Variants in GATA4 observed in about 807,000 individuals in gnomAD.
GATA4 encodes transcription factor GATA-4.
Under a neutral mutation model 37.9 loss-of-function variants are expected in GATA4, and 7 were observed. The ratio of observed to expected loss-of-function variants is 0.18; its 90% CI spans 0.11 to 0.35. The LOEUF is 0.35. Among genes scored for constraint, GATA4 ranks in the 10% least tolerant of loss-of-function variants. The pLI is 1.00. For missense variants in GATA4, 647 were observed against 653.0 expected, an observed-to-expected ratio of 0.99 and a Z score of 0.10; for synonymous variants, 372 against 292.6, an observed-to-expected ratio of 1.27 and a Z score of -2.77.
intron 2 of GATA4, among the ~76,000 whole-genome samples, chr8:11,740,228 C>A (rs965997280): frequency 6.6e-6 from 1 of 152,202 alleles, no homozygotes; most frequent in African/African-American, 2.4e-5. Context: ...GCCGTACTAC[C>A]TGTCAGCCGG....
rs150669439 is a variant in GATA4, at chr8:11,737,083, G to A, written c.617-11833G>A. Among the ~76,000 whole-genome samples the A allele has an allele frequency of 1.5e-3, 230 of 152,084 alleles. 1 individual carries two copies. The highest frequency in any genetic ancestry group is 5.2e-3 in the African/African-American group (216 of 41,482). On this transcript the variant is annotated intron_variant, in intron 2 of 6. Coordinates refer to ENST00000532059, the MANE Select transcript of GATA4 (RefSeq NM_001308093.3). ...GCAGGGTGACTCGGTGGATTAGCAG[G>A]AGAAGAAGATGTAAAGTGATGGCGA...
chr8:11,708,373 G>A lies in GATA4; in HGVS notation c.61G>A (p.Gly21Ser), dbSNP rs762079549. Residue 21 changes from glycine to serine, a missense_variant, in exon 2 of 7, where the codon GGC (glycine) becomes AGC (serine). Physicochemically the swap from Gly to Ser is moderately conservative, Grantham distance 56. This residue lies in a region of GATA4 where 379 missense variants were observed against 334.5 expected (regional missense o/e 1.13). Coordinates refer to ENST00000532059, the MANE Select transcript of GATA4 (RefSeq NM_001308093.3). The surrounding 1 kb of genome is among the most constrained non-coding windows in gnomAD (Gnocchi z 6.7). ...GCCGCCCCCCGGTGCCTACGAGGCG[G>A]GCGGCCCCGGCGCCTTCATGCACGG... ...HGPPPGAYEA[G>S]GPGAFMHGAG... 1.9e-6 allele frequency: 3 copies of A among 1,555,542 alleles called. No homozygotes were observed. In the South Asian group the frequency reaches 3.5e-5, roughly 18 times the overall value.
chr8:11,711,836 G>C (rs1800198402), intron 2 of GATA4, among the ~76,000 whole-genome samples: 1 of 151,666 alleles, frequency 6.6e-6, no homozygotes, highest in Non-Finnish European at 1.5e-5. Context: ...TACCTGCCTG[G>C]CAGCTTTAGT....
chr8:11,750,770 TA>T (rs1195090785), intron 4 of GATA4, among the ~76,000 whole-genome samples: 12,649 of 88,486 alleles, frequency 0.14, 894 homozygotes, highest in East Asian at 0.24. Flanking sequence ...TTGTCTCTAC[TA>T]AAAAAAAAAA....
rs773415747 is a variant in GATA4, at chr8:11,752,320, A to G, written c.912+2084A>G. Among the ~76,000 whole-genome samples, 116 of 152,220 alleles carry G rather than the reference A, an allele frequency of 7.6e-4. 2 individuals are homozygous for G. The highest frequency in any genetic ancestry group is 2.1e-4 in the South Asian group (1 of 4,836). On this transcript the variant is annotated intron_variant, in intron 4 of 6. Transcript: ENST00000532059. The stretch of plus-strand genomic sequence containing the variant: ...GTTTTCACACTGCTGATAAAGACAT[A>G]CCCAAAATTAAAAAGTGGCTTAATG...
Position 11,708,803 on chromosome 8 carries a change from C to T in GATA4, c.491C>T (p.Ala164Val), listed in dbSNP as rs1425061772. The T allele has an allele frequency of 2.0e-6, 3 of 1,479,394 alleles. No homozygotes were observed. In the South Asian group the frequency reaches 3.8e-5, roughly 19 times the overall value. 91.6% of individuals were successfully genotyped at this position (1,479,394 alleles called of 1,614,324 possible). A position where few individuals can be genotyped will look rare whatever the true frequency, so the allele number is the denominator to read the frequency against. Residue 164 changes from alanine (A) to valine (V), a missense_variant, in exon 2 of 7, where the codon GCT becomes GTT. Coordinates refer to ENST00000532059, the MANE Select transcript of GATA4 (RefSeq NM_001308093.3). The surrounding 1 kb of genome is among the most constrained non-coding windows in gnomAD (Gnocchi z 6.7). Reference protein sequence around the residue: ...FAGSYSSPYPAYMADVGASWA... With the variant: ...FAGSYSSPYPVYMADVGASWA... ...GGCTCCTACTCCAGCCCCTACCCGG[C>T]TTACATGGCCGACGTGGGCGCGTCC... is the stretch of plus-strand genomic sequence containing the variant.
chr8:11,717,684 C>T (rs917212552), intron 2 of GATA4, among the ~76,000 whole-genome samples: 2 of 152,214 alleles, frequency 1.3e-5, no homozygotes, highest in Admixed American at 6.5e-5. Flanking sequence ...TGACTTGTCG[C>T]TCCCATCCGC....
At position 11,731,375 on chromosome 8, in the gene GATA4, G is replaced by A. The variant is rs118149259; in HGVS notation, c.617-17541G>A. Among the ~76,000 whole-genome samples, 3 of 152,380 alleles carry A rather than the reference G, an allele frequency of 2.0e-5. No homozygotes were observed. In the East Asian group the frequency reaches 5.8e-4, roughly 29 times the overall value. On this transcript the variant is annotated intron_variant, in intron 2 of 6. Coordinates refer to ENST00000532059, the MANE Select transcript of GATA4 (RefSeq NM_001308093.3). ...ATGAATGAATGAACAAATGTGGTCT[G>A]TGTGCTCAGTGGAGTATTACTCAGC...
At chr8:11,690,034 G>C (rs111621317), upstream of GATA4, among the ~76,000 whole-genome samples, 5 of 152,214 alleles carry the variant, frequency 3.3e-5, no homozygotes, top group African/African-American at 1.2e-4. Context: ...GAGTGGATTG[G>C]ACCAGAATCC....
chr8:11,712,938 C>T (rs1015924778), intron 2 of GATA4, among the ~76,000 whole-genome samples: 3 of 152,138 alleles, frequency 2.0e-5, no homozygotes, highest in Non-Finnish European at 2.9e-5. Flanking sequence ...TAATACAATG[C>T]AACCTGGCCT....
chr8:11,730,621 G>A (rs1028619078), intron 2 of GATA4, among the ~76,000 whole-genome samples: 2 of 152,212 alleles, frequency 1.3e-5, no homozygotes, highest in Admixed American at 1.3e-4. Flanking sequence ...TCAGGCCATG[G>A]CCAGCCTGGT....
intron 2 of GATA4, among the ~76,000 whole-genome samples, chr8:11,730,896 G>C (rs1052463256): frequency 2.0e-5 from 3 of 152,228 alleles, no homozygotes; most frequent in Admixed American, 1.3e-4. Context: ...TGTTTGTCTC[G>C]TGTCATCTGC....
At chr8:11,748,776 G>C in intron 2 of GATA4, 140 bp from the exon 3 acceptor site, 2 of 935,920 alleles carry the variant, frequency 2.1e-6, no homozygotes. Context: ...GTGAGGAAGA[G>C]CAAGAGCAGC....
rs547948690 is a variant in GATA4 at position 11,680,380 on chromosome 8, C to G, written c.-274+3317C>G. On this transcript the variant is annotated intron_variant, in intron 1 of 6. Transcript: ENST00000528712. Reference sequence around the variant, plus strand: ...TCTGCAAGTAACTAACCAGGCCCCTCGGATTCATTGCCACTTTCCCGCCCT... The same window carrying G: ...TCTGCAAGTAACTAACCAGGCCCCTGGGATTCATTGCCACTTTCCCGCCCT... 33 of 647,974 alleles carry G rather than the reference C, an allele frequency of 5.1e-5. No homozygotes were observed. In the African/African-American group the frequency reaches 6.5e-4, roughly 13 times the overall value. 40.1% of individuals were successfully genotyped at this position (647,974 alleles called of 1,614,324 possible).
In GATA4 at chr8:11,709,256, TG is replaced by T. The variant is rs1800053334; in HGVS notation, c.616+330del. On this transcript the variant is annotated intron_variant, in intron 2 of 6. Transcript: ENST00000532059. The surrounding 1 kb of genome is among the most constrained non-coding windows in gnomAD (Gnocchi z 4.3). ...TGACGCGGGAGGACAGCGGGCTCCC[TG>T]GAGAGCCGGGGGCAGCGGCCTGGGA... Among the ~76,000 whole-genome samples, 1 of 152,178 alleles carries T rather than the reference TG, an allele frequency of 6.6e-6. No individual in the cohort carries two copies. Among genetic ancestry groups the T allele is most frequent in the Admixed American group, 6.5e-5 (1 of 15,290 alleles).
At chr8:11,742,153 C>T (rs924503892) in intron 2 of GATA4, among the ~76,000 whole-genome samples, 6 of 152,138 alleles carry the variant, frequency 3.9e-5, no homozygotes, top group Non-Finnish European at 7.3e-5. Flanking sequence ...CTTAGACCTC[C>T]AGGGAGGAGC....
At chr8:11,740,032 C>T (rs1801651897) in intron 2 of GATA4, among the ~76,000 whole-genome samples, 1 of 152,186 alleles carries the variant, frequency 6.6e-6, no homozygotes. Flanking sequence ...GCACCCTTCG[C>T]ATGCAGTCCC....
chr8:11,726,793 C>G (rs1205518241), intron 2 of GATA4, among the ~76,000 whole-genome samples: 2 of 152,214 alleles, frequency 1.3e-5, no homozygotes, highest in African/African-American at 2.4e-5. Context: ...CCTTGATGCT[C>G]TGCTGGGCCC....
upstream of GATA4, among the ~76,000 whole-genome samples, chr8:11,700,256 A>G (rs1160354347): frequency 2.6e-5 from 4 of 152,254 alleles, no homozygotes; most frequent in African/African-American, 9.6e-5. Context: ...GAGGAGGTCT[A>G]CGAGGGAGAA....
Sources: gnomAD v4.1 joint callset for allele counts (sites outside exome capture counted in the v4.1 genomes callset) on GRCh38, gnomAD v4.1.1 for gene constraint, gnomAD v4.1.1 regional missense constraint, Gnocchi (gnomAD v3.1) non-coding constraint, MANE v1.5 for transcripts, NCBI Gene and HGNC (gene_info 2026-07-23, HGNC 2026-07-21) for gene names.